Variants in MRPL3 observed in about 807,000 individuals in gnomAD.
MRPL3 encodes the protein mitochondrial ribosomal protein L3, also known as large ribosomal subunit protein uL3m.
A neutral mutation model predicts 44.3 loss-of-function variants in MRPL3; 43 were observed. The ratio of observed to expected loss-of-function variants is 0.97; its 90% CI spans 0.76 to 1.25. MRPL3 has a LOEUF of 1.25. Among genes scored for constraint, MRPL3 ranks in the 50% most tolerant of loss-of-function variants. The pLI is 0.00. For missense variants in MRPL3, 406 were observed against 427.6 expected (o/e 0.95, Z 0.45); for synonymous variants, 171 against 152.3 (o/e 1.12, Z -0.91).
chr3:131,469,620 G>T, intron 8 of MRPL3, 76 bp downstream of exon 8: 2 of 1,023,886 alleles, frequency 2.0e-6, no homozygotes, highest in Non-Finnish European at 3.0e-6. Flanking sequence ...TACAGACACA[G>T]ATTAAATACA....
intron 6 of MRPL3, among the ~76,000 whole-genome samples, chr3:131,483,479 T>C (rs1008024599): frequency 3.3e-5 from 5 of 152,144 alleles, no homozygotes; most frequent in African/African-American, 9.7e-5. Flanking sequence ...TGAAAAACTA[T>C]TGCTGATATT....
chr3:131,495,164 TTA>T (rs1483566943), intron 4 of MRPL3, among the ~76,000 whole-genome samples: 3 of 152,172 alleles, frequency 2.0e-5, no homozygotes, highest in Admixed American at 2.0e-4. Flanking sequence ...TTCCAAATGT[TTA>T]GATATATGAA....
intron 4 of MRPL3, among the ~76,000 whole-genome samples, chr3:131,494,745 G>A (rs151177978): frequency 6.6e-6 from 1 of 152,106 alleles, no homozygotes; most frequent in Non-Finnish European, 1.5e-5. Context: ...TCTCAGTCAG[G>A]AGGAAAACCA....
At chr3:131,471,336 T>C (rs971873017) in intron 6 of MRPL3, 57 bp from the exon 7 acceptor site, 6 of 1,178,226 alleles carry the variant, frequency 5.1e-6, no homozygotes, top group African/African-American at 3.0e-5. Context: ...CCATTCCCAA[T>C]TGTACACTTT....
intron 6 of MRPL3, among the ~76,000 whole-genome samples, chr3:131,484,632 G>A (rs190679977): frequency 3.4e-4 from 52 of 152,258 alleles, no homozygotes; most frequent in African/African-American, 1.1e-3. Flanking sequence ...ATGTACAGAC[G>A]TGGGAAGTCA....
chr3:131,470,067 TAC>T (rs1933707186), intron 7 of MRPL3, among the ~76,000 whole-genome samples: 1 of 152,100 alleles, frequency 6.6e-6, no homozygotes, highest in African/African-American at 2.4e-5. Flanking sequence ...GACAAGGGCA[TAC>T]AGACACACCG....
intron 6 of MRPL3, among the ~76,000 whole-genome samples, chr3:131,483,223 G>A (rs1200181379): frequency 6.6e-5 from 10 of 151,990 alleles, no homozygotes; most frequent in Admixed American, 6.6e-4. Context: ...TATAGAGCAA[G>A]AACATAAACC....
intron 9 of MRPL3, among the ~76,000 whole-genome samples, chr3:131,463,615 G>C (rs981246378): frequency 6.6e-6 from 1 of 152,038 alleles, no homozygotes; most frequent in Non-Finnish European, 1.5e-5. Flanking sequence ...CATTCTTATT[G>C]ATAAGTTAAA....
At chr3:131,488,948 T>C (rs1281069898) in intron 5 of MRPL3, 3 of 152,082 alleles carry the variant, frequency 2.0e-5, no homozygotes, top group Non-Finnish European at 4.4e-5. Flanking sequence ...AGTGACCTTT[T>C]ATGAGGCTGA....
intron 6 of MRPL3, 141 bp from the exon 7 acceptor site, chr3:131,471,420 C>A: frequency 3.2e-6 from 2 of 622,556 alleles, no homozygotes; most frequent in Middle Eastern, 2.6e-4. Flanking sequence ...AAAGGCTATA[C>A]AACTAAAACT....
chr3:131,490,256 A>G (rs925056418), intron 4 of MRPL3, among the ~76,000 whole-genome samples, 176 bp from the exon 5 acceptor site: 1 of 152,166 alleles, frequency 6.6e-6, no homozygotes, highest in East Asian at 1.9e-4. Flanking sequence ...ATTTATAGCT[A>G]TATTTTATTA....
intron 4 of MRPL3, among the ~76,000 whole-genome samples, chr3:131,494,787 T>C (rs1207277034): frequency 6.6e-6 from 1 of 152,154 alleles, no homozygotes; most frequent in East Asian, 1.9e-4. Context: ...CCAGAAGCAA[T>C]GTAAAAGACT....
At position 131,468,095 on chromosome 3, in the gene MRPL3, A is replaced by C. The variant is rs1243482767; in HGVS notation, c.890T>G (p.Val297Gly). Residue 297 changes from valine (V) to glycine (G), a missense_variant, in exon 9 of 10, where the codon GTA (valine) becomes GGA (glycine). Coordinates refer to ENST00000264995, the MANE Select transcript of MRPL3 (RefSeq NM_007208.4). ...GSVPGHKNCL[V>G]KVKDSKLPAY... is the part of the protein sequence containing the mutation. ...AAAGAAGACACTTATACTTACCTTT[A>C]CTAAGCAATTTTTATGTCCAGGTAC... The C allele has an allele frequency of 6.4e-7, 1 of 1,554,284 alleles. No homozygotes were observed. The highest frequency in any genetic ancestry group is 8.7e-7 in the Non-Finnish European group (1 of 1,151,222).
chr3:131,475,138 C>G (rs1258841889), intron 6 of MRPL3, among the ~76,000 whole-genome samples: 1 of 152,060 alleles, frequency 6.6e-6, no homozygotes, highest in East Asian at 1.9e-4. Context: ...CTAGATAATA[C>G]ATCAACATAT....
Position 131,500,506 on chromosome 3 carries a change from C to T in MRPL3, c.293G>A (p.Gly98Asp). Reference sequence around the variant, plus strand: ...CATGCCCAGCTTCAAGGCAATAAGACCAACTCTAAAGGAACCTGGCAATTA... The same window carrying T: ...CATGCCCAGCTTCAAGGCAATAAGATCAACTCTAAAGGAACCTGGCAATTA... Reference protein sequence around the residue: ...HPWEPGSFRVGLIALKLGMMP... With the variant: ...HPWEPGSFRVDLIALKLGMMP... Residue 98 changes from glycine to aspartate, a missense_variant, in exon 3 of 10, where the codon GGT becomes GAT. Gly to Asp is a moderately conservative substitution (Grantham distance 94). Transcript: ENST00000264995. 1 of 1,613,724 alleles carries T rather than the reference C, an allele frequency of 6.2e-7. No homozygotes were observed. The highest frequency in any genetic ancestry group is 8.5e-7 in the Non-Finnish European group (1 of 1,179,796).
chr3:131,485,096 G>T (rs956747875), intron 6 of MRPL3, among the ~76,000 whole-genome samples: 1 of 152,138 alleles, frequency 6.6e-6, no homozygotes, highest in African/African-American at 2.4e-5. Flanking sequence ...CCTGAAGCTG[G>T]TGCATGGCTT....
rs570241392 is a variant in MRPL3, at chr3:131,495,886, T to G, written c.468+2293A>C. Among the ~76,000 whole-genome samples, 8 of 152,314 alleles carry G rather than the reference T, an allele frequency of 5.3e-5. 1 individual carries two copies. In the South Asian group the frequency reaches 1.2e-3, roughly 24 times the overall value. ...GGAAGATAATTCAGAGACCATCAAG[T>G]ACTATTCCTTGTTTTTATGGGTAAG... On this transcript the variant is annotated intron_variant, in intron 4 of 9. Coordinates refer to ENST00000264995, the MANE Select transcript of MRPL3 (RefSeq NM_007208.4).
intron 6 of MRPL3, among the ~76,000 whole-genome samples, chr3:131,480,860 T>C (rs533693267): frequency 7.9e-5 from 12 of 152,316 alleles, no homozygotes; most frequent in Admixed American, 2.0e-4. Flanking sequence ...CTTGGAAAAC[T>C]GAGGAATTAT....
At chr3:131,502,522 C>T (rs1934520755) in intron 1 of MRPL3, among the ~76,000 whole-genome samples, 1 of 152,256 alleles carries the variant, frequency 6.6e-6, no homozygotes, top group Non-Finnish European at 1.5e-5. Context: ...GCGTTCGCTG[C>T]TAGTGGCTGG....
Sources: gnomAD v4.1 joint callset for allele counts (sites outside exome capture counted in the v4.1 genomes callset) on GRCh38, gnomAD v4.1.1 for gene constraint, MANE v1.5 for transcripts, NCBI Gene and HGNC (gene_info 2026-07-23, HGNC 2026-07-21) for gene names.